Variants in TFAP4 observed in about 807,000 individuals in gnomAD.
The protein encoded by TFAP4 is activating enhancer-binding protein 4.
A neutral mutation model predicts 40.4 loss-of-function variants in TFAP4; 7 were observed. That is an observed-to-expected ratio of 0.17 (90% CI 0.10 to 0.33). The LOEUF (loss-of-function observed/expected upper bound fraction) is 0.33. Among genes scored for constraint, TFAP4 ranks in the 10% least tolerant of loss-of-function variants. The pLI is 1.00. For missense variants in TFAP4, 374 were observed against 451.1 expected, an observed-to-expected ratio of 0.83 and a Z score of 1.55; for synonymous variants, 218 against 181.4, an observed-to-expected ratio of 1.20 and a Z score of -1.62.
chr16:4,260,404 C>T, intron 5 of TFAP4, 51 bp downstream of exon 5: 1 of 1,529,860 alleles, frequency 6.5e-7, no homozygotes. Context: ...TTCAAGATCA[C>T]CTGTCCCCTT....
chr16:4,260,278 A>C (rs1464160991), intron 5 of TFAP4, 33 bp from the exon 6 acceptor site: 1 of 1,530,146 alleles, frequency 6.5e-7, no homozygotes, highest in South Asian at 1.3e-5. Flanking sequence ...CTTTCTCTCA[A>C]GGCTTCTCTT....
In TFAP4 at chr16:4,260,521, C is replaced by T. The variant is rs1238750440; in HGVS notation, c.600G>A (p.Gln200=). The T allele has an allele frequency of 2.5e-6, 4 of 1,610,948 alleles. No individual in the cohort carries two copies. In the African/African-American group the frequency reaches 4.0e-5, roughly 16 times the overall value. ...GGTGCAGCAGCCTCACCTGTTCCTG[C>T]TGCTGCTGCAGCTGCACCTGCTGCG... ...VIAQQVQLQQ[Q]QEQVRLLHQE... The change falls in exon 5 of 7, where the codon CAG becomes CAA. Residue 200 remains glutamine (Q), a synonymous_variant. Transcript: ENST00000204517.
intron 1 of TFAP4, among the ~76,000 whole-genome samples, chr16:4,269,787 G>A (rs1410173823): frequency 6.7e-6 from 1 of 149,930 alleles, no homozygotes; most frequent in Non-Finnish European, 1.5e-5. Context: ...TCCAGCCTGT[G>A]CGACAGAGTG....
At chr16:4,268,485 G>A (rs1356334630) in intron 1 of TFAP4, among the ~76,000 whole-genome samples, 1 of 152,162 alleles carries the variant, frequency 6.6e-6, no homozygotes, top group African/African-American at 2.4e-5. Context: ...GCAGAATGTT[G>A]TTGCTTCATA....
intron 6 of TFAP4, among the ~76,000 whole-genome samples, chr16:4,259,575 G>A (rs532431587): frequency 6.6e-6 from 1 of 152,148 alleles, no homozygotes; most frequent in Non-Finnish European, 1.5e-5. Flanking sequence ...GGCTTTTTTG[G>A]TTATTTATTT....
intron 1 of TFAP4, chr16:4,268,122 G>A (rs1434145079): frequency 2.6e-5 from 4 of 152,240 alleles, no homozygotes; most frequent in Admixed American, 2.6e-4. Flanking sequence ...ACAGGGTCAT[G>A]GTGAAGTTTA....
chr16:4,268,644 T>G (rs1597315598), intron 1 of TFAP4, among the ~76,000 whole-genome samples: 1 of 152,114 alleles, frequency 6.6e-6, no homozygotes, highest in Non-Finnish European at 1.5e-5. Context: ...CAAGCTGGAG[T>G]GCAATGGCAT....
intron 1 of TFAP4, chr16:4,263,223 G>T: frequency 6.4e-6 from 1 of 156,468 alleles, no homozygotes; most frequent in Non-Finnish European, 1.4e-5. Context: ...ACAGGGAGCA[G>T]TCTCTCCTCC....
chr16:4,262,167 C>T (rs954651099), intron 3 of TFAP4, 157 bp downstream of exon 3: 13 of 971,858 alleles, frequency 1.3e-5, no homozygotes, highest in Admixed American at 6.5e-5. Context: ...CGCACTTGAC[C>T]GATGGGGAAA....
Position 4,262,644 on chromosome 16 carries a change from C to A in TFAP4, c.147G>T (p.Arg49=). 6.2e-7 allele frequency: 1 copy of A among 1,611,484 alleles called. No homozygotes were observed. Among genetic ancestry groups the A allele is most frequent in the Non-Finnish European group, 8.5e-7 (1 of 1,179,974 alleles). The change falls in exon 2 of 7, where the codon CGG becomes CGT. Residue 49 remains arginine, a synonymous_variant. Coordinates refer to ENST00000204517, the MANE Select transcript of TFAP4 (RefSeq NM_003223.3). ...GCTCGTTGCTGTTGGCGATCTCCCG[C>A]CGAATCCGCCGCTCCTGGTCCCGCT... ...ETQRDQERRI[R]REIANSNERR...
At chr16:4,271,643 C>T (rs143897238) in intron 1 of TFAP4, among the ~76,000 whole-genome samples, 265 of 152,298 alleles carry the variant, frequency 1.7e-3, no homozygotes, top group Middle Eastern at 6.8e-3. Context: ...GGCCTGCGGA[C>T]CTCGGGCCAC....
At chr16:4,261,556 G>A (rs1457450573) in intron 4 of TFAP4, among the ~76,000 whole-genome samples, 1 of 151,946 alleles carries the variant, frequency 6.6e-6, no homozygotes, top group African/African-American at 2.4e-5. Context: ...CCCACAGCAT[G>A]GTTACATTTT....
At position 4,257,311 on chromosome 16, in the gene TFAP4, T is replaced by TAAAAAAAA. The variant is rs34634533; in HGVS notation, c.*736_*743dup. On this transcript the variant is annotated 3_prime_UTR_variant, in exon 7 of 7. Coordinates refer to ENST00000204517, the MANE Select transcript of TFAP4 (RefSeq NM_003223.3). ...CTTGAACACGAAGACCTCAAAATTGTAAAAAAAAAAAAAAAAGAAAGAAAA... is the reference window on the plus strand; with the variant it reads ...CTTGAACACGAAGACCTCAAAATTGTAAAAAAAAAAAAAAAAAAAAAAAAGAAAGAAAA... 4 of 114,776 alleles carry TAAAAAAAA rather than the reference T, an allele frequency of 3.5e-5. No individual in the cohort carries two copies. The highest frequency in any genetic ancestry group is 7.2e-5 in the Non-Finnish European group (4 of 55,868). 7.1% of individuals were successfully genotyped at this position (114,776 alleles called of 1,614,324 possible).
Position 4,257,877 on chromosome 16 carries a change from C to T in TFAP4, c.*178G>A, listed in dbSNP as rs183897713. On this transcript the variant is annotated 3_prime_UTR_variant, in exon 7 of 7. Coordinates refer to ENST00000204517, the MANE Select transcript of TFAP4 (RefSeq NM_003223.3). Reference sequence around the variant, plus strand: ...CTCTGCGACACCCCAGCCCCGGGACCTCGGGTTGAGTGGCTTCGTTCAAAG... The same window carrying T: ...CTCTGCGACACCCCAGCCCCGGGACTTCGGGTTGAGTGGCTTCGTTCAAAG... 1 of 670,144 alleles carries T rather than the reference C, an allele frequency of 1.5e-6. No homozygotes were observed. The highest frequency in any genetic ancestry group is 3.0e-5 in the East Asian group (1 of 33,704). 41.5% of individuals were successfully genotyped at this position (670,144 alleles called of 1,614,324 possible). A position where few individuals can be genotyped will look rare whatever the true frequency, so the allele number is the denominator to read the frequency against.
At position 4,257,311 on chromosome 16, in the gene TFAP4, T is replaced by TAAAAAA. The variant is rs34634533; in HGVS notation, c.*738_*743dup. 8 of 114,770 alleles carry TAAAAAA rather than the reference T, an allele frequency of 7.0e-5. No homozygotes were observed. Among genetic ancestry groups the TAAAAAA allele is most frequent in the African/African-American group, 1.4e-4 (4 of 29,550 alleles). The allele number at this position is 114,770 out of a possible 1,614,324, so 7.1% of individuals were successfully genotyped here. A position where few individuals can be genotyped will look rare whatever the true frequency, so the allele number is the denominator to read the frequency against. On this transcript the variant is annotated 3_prime_UTR_variant, in exon 7 of 7. Coordinates refer to ENST00000204517, the MANE Select transcript of TFAP4 (RefSeq NM_003223.3). ...CTTGAACACGAAGACCTCAAAATTG[T>TAAAAAA]AAAAAAAAAAAAAAAAGAAAGAAAA...
chr16:4,258,297 C>T (rs767887069), intron 6 of TFAP4, 48 bp from the exon 7 acceptor site: 13 of 1,506,666 alleles, frequency 8.6e-6, no homozygotes, highest in Non-Finnish European at 1.1e-5. Flanking sequence ...GATACATGGC[C>T]AGCCAGGAGA....
intron 6 of TFAP4, among the ~76,000 whole-genome samples, chr16:4,259,598 T>C (rs2052927777): frequency 2.0e-5 from 3 of 152,198 alleles, no homozygotes; most frequent in Admixed American, 2.0e-4. Flanking sequence ...TATTTACTGA[T>C]TTCTGATCTT....
At position 4,258,080 on chromosome 16, in the gene TFAP4, G is replaced by A. The variant is rs983509684; in HGVS notation, c.992C>T (p.Pro331Leu). ...TCAGGGAAGCTCCCCGTCCCCCGAC[G>A]GCTCCTCCCGGCTCTGGTCCATGGC... is the stretch of plus-strand genomic sequence containing the variant. Reference protein sequence around the residue: ...SDAMDQSREEPSGDGELP With the variant: ...SDAMDQSREELSGDGELP The change falls in exon 7 of 7, where the codon CCG becomes CTG. Residue 331 changes from proline (P) to leucine (L), a missense_variant. Physicochemically the swap from Pro to Leu is moderately conservative, Grantham distance 98. Transcript: ENST00000204517. The A allele has an allele frequency of 1.2e-6, 2 of 1,612,792 alleles. No individual in the cohort carries two copies. The highest frequency in any genetic ancestry group is 1.1e-5 in the South Asian group (1 of 91,022).
intron 3 of TFAP4, 92 bp downstream of exon 3, chr16:4,262,232 G>A: frequency 7.2e-7 from 1 of 1,394,416 alleles, no homozygotes; most frequent in Non-Finnish European, 1.0e-6. Context: ...TGGGCAAGAA[G>A]GGGCCTGCAG....
Sources: allele counts gnomAD v4.1 joint callset (sites outside exome capture counted in the v4.1 genomes callset), GRCh38; gene constraint gnomAD v4.1.1; transcripts MANE v1.5; gene names NCBI Gene and HGNC (gene_info 2026-07-23, HGNC 2026-07-21).